RABGAP1L: variants seen among roughly 807,000 people sequenced by gnomAD.
RABGAP1L encodes RAB GTPase activating protein 1 like, also known as rab GTPase-activating protein 1-like.
RABGAP1L carries 63 observed loss-of-function variants against 137.7 expected under a neutral mutation model. The observed-to-expected ratio is 0.46, with a 90% confidence interval of 0.37 to 0.56. The LOEUF (loss-of-function observed/expected upper bound fraction) is 0.56, where lower values mean the gene tolerates loss of function less well. RABGAP1L is among the 20% of genes least tolerant of loss of function. The pLI is 0.00. For missense variants in RABGAP1L, 1,095 were observed against 1,244.0 expected (o/e 0.88, Z 1.80); for synonymous variants, 431 against 433.7 (o/e 0.99, Z 0.08).
intron 19 of RABGAP1L, chr1:174,874,504 CTGGTAAGTTTT>C (rs1026245620): frequency 1.5e-5 from 15 of 984,486 alleles, no homozygotes; most frequent in Non-Finnish European, 1.8e-5. Flanking sequence ...TACTCTTCTC[CTGGTAAGTTTT>C]AGCTTCAAAT....
chr1:174,877,358 C>G, intron 19 of RABGAP1L: 131 of 1,030,530 alleles, frequency 1.3e-4, no homozygotes, highest in East Asian at 2.8e-4. Flanking sequence ...TTCTTTCTTT[C>G]TGGATTTTTG....
chr1:174,210,450 A>C (rs1452022579), intron 1 of RABGAP1L, among the ~76,000 whole-genome samples: 1 of 152,236 alleles, frequency 6.6e-6, no homozygotes, highest in Non-Finnish European at 1.5e-5. Context: ...TGACACACTG[A>C]AGAATGTATT....
intron 17 of RABGAP1L, among the ~76,000 whole-genome samples, chr1:174,748,278 G>A (rs1684046698): frequency 1.3e-5 from 2 of 152,074 alleles, no homozygotes; most frequent in Non-Finnish European, 1.5e-5. Context: ...ATCAACCCCC[G>A]AAAATTTGGG....
chr1:174,899,379 T>C (rs1657764504), intron 19 of RABGAP1L, among the ~76,000 whole-genome samples: 1 of 152,192 alleles, frequency 6.6e-6, no homozygotes, highest in Admixed American at 6.6e-5. Flanking sequence ...AATTGGGCTT[T>C]ATGCAAAGGG....
chr1:174,190,301 C>CAAAAAA (rs57629149), intron 1 of RABGAP1L, among the ~76,000 whole-genome samples: 2 of 90,256 alleles, frequency 2.2e-5, no homozygotes. Flanking sequence ...GACTCCGTTG[C>CAAAAAA]AAAAAAAAAA....
chr1:174,880,476 GA>G (rs149277147), intron 19 of RABGAP1L, among the ~76,000 whole-genome samples: 1 of 145,428 alleles, frequency 6.9e-6, no homozygotes, highest in African/African-American at 2.5e-5. Context: ...CATCTCTACA[GA>G]AAAAAAAAAG....
At chr1:174,228,760 T>C (rs1670391612) in intron 3 of RABGAP1L, among the ~76,000 whole-genome samples, 1 of 152,176 alleles carries the variant, frequency 6.6e-6, no homozygotes, top group African/African-American at 2.4e-5. Flanking sequence ...TTTTGTGAAT[T>C]ATTTATTAAA....
intron 13 of RABGAP1L, among the ~76,000 whole-genome samples, chr1:174,416,711 A>T (rs1650635972): frequency 6.6e-6 from 1 of 152,148 alleles, no homozygotes; most frequent in Admixed American, 6.6e-5. Context: ...TAAGTATATC[A>T]TATTGACATT....
intron 13 of RABGAP1L, among the ~76,000 whole-genome samples, chr1:174,414,527 A>G (rs1650319490): frequency 6.6e-6 from 1 of 151,996 alleles, no homozygotes; most frequent in Non-Finnish European, 1.5e-5. Flanking sequence ...CTTTCATTGT[A>G]CTTTATATGC....
At chr1:174,532,852 T>C (rs1483063033) in intron 13 of RABGAP1L, among the ~76,000 whole-genome samples, 1 of 152,210 alleles carries the variant, frequency 6.6e-6, no homozygotes, top group Non-Finnish European at 1.5e-5. Context: ...ATACCACTTA[T>C]AACAAGTTTT....
chr1:174,686,071 C>A (rs938027111), intron 15 of RABGAP1L, among the ~76,000 whole-genome samples: 3 of 152,036 alleles, frequency 2.0e-5, no homozygotes. Flanking sequence ...AGGGCTGATG[C>A]GGAAGTAAAA....
intron 19 of RABGAP1L, among the ~76,000 whole-genome samples, chr1:174,838,471 G>T (rs1692987759): frequency 6.6e-6 from 1 of 152,180 alleles, no homozygotes; most frequent in African/African-American, 2.4e-5. Flanking sequence ...CAGGTAGCTT[G>T]AAGGCTGACA....
At chr1:174,651,954 GGTTT>G (rs1476498576) in intron 14 of RABGAP1L, among the ~76,000 whole-genome samples, 3 of 152,138 alleles carry the variant, frequency 2.0e-5, no homozygotes, top group African/African-American at 4.8e-5. Context: ...AATTTGGCAT[GGTTT>G]TGCAGTGGCT....
At chr1:174,824,792 C>T (rs909516075) in intron 19 of RABGAP1L, among the ~76,000 whole-genome samples, 1 of 152,082 alleles carries the variant, frequency 6.6e-6, no homozygotes, top group Non-Finnish European at 1.5e-5. Context: ...CTCCTCCTCT[C>T]TCCCCTACTG....
At chr1:174,496,857 GTT>G (rs1364104510) in intron 13 of RABGAP1L, among the ~76,000 whole-genome samples, 1 of 152,156 alleles carries the variant, frequency 6.6e-6, no homozygotes, top group Non-Finnish European at 1.5e-5. Context: ...ACCAAGTTAT[GTT>G]TAGTTGGTAA....
chr1:174,875,819 G>A (rs760337682), intron 19 of RABGAP1L: 66 of 584,514 alleles, frequency 1.1e-4, no homozygotes, highest in Non-Finnish European at 1.3e-4. Context: ...AAATGTTAAC[G>A]AAAATAATGC....
intron 17 of RABGAP1L, chr1:174,705,411 C>T (rs1044545201): frequency 2.6e-5 from 4 of 152,128 alleles, no homozygotes; most frequent in East Asian, 1.9e-4. Flanking sequence ...TTAGCCTTCC[C>T]GTCACTTGTC....
At chr1:174,437,156 G>C (rs1440587225) in intron 13 of RABGAP1L, among the ~76,000 whole-genome samples, 1 of 152,198 alleles carries the variant, frequency 6.6e-6, no homozygotes, top group African/African-American at 2.4e-5. Flanking sequence ...CTAAAAATCA[G>C]AGTGCCTCTC....
At chr1:174,649,057 A>C (rs751226791) in intron 14 of RABGAP1L, among the ~76,000 whole-genome samples, 40 of 152,030 alleles carry the variant, frequency 2.6e-4, no homozygotes, top group Non-Finnish European at 5.6e-4. Flanking sequence ...TGCTTGGTAA[A>C]TATTCCCCCA....
Sources: gnomAD v4.1 joint callset for allele counts (sites outside exome capture counted in the v4.1 genomes callset) on GRCh38, gnomAD v4.1.1 for gene constraint, MANE v1.5 for transcripts, NCBI Gene and HGNC (gene_info 2026-07-23, HGNC 2026-07-21) for gene names.